The following IL1RAPL1 variants were observed in gnomAD, a reference collection of about 807,000 sequenced individuals.
The protein encoded by IL1RAPL1 is interleukin-1 receptor accessory protein-like 1.
In IL1RAPL1, 3 loss-of-function variants were observed where a neutral mutation model predicts 48.4. The ratio of observed to expected loss-of-function variants is 0.06; its 90% CI spans 0.03 to 0.16. The LOEUF is 0.16. Among genes scored for constraint, IL1RAPL1 ranks in the 10% least tolerant of loss-of-function variants. The pLI is 1.00. For missense variants in IL1RAPL1, 349 were observed against 530.6 expected (o/e 0.66, Z 3.36); for synonymous variants, 185 against 187.7 (o/e 0.99, Z 0.12).
intron 2 of IL1RAPL1, among the ~76,000 whole-genome samples, chrX:28,831,024 CTCTGTGTGTGTGTGTGTGTGTGTGTGTG>C (rs1340730027): frequency 1.7e-5 from 1 of 59,230 alleles, no homozygotes; most frequent in African/African-American, 7.8e-5. Flanking sequence ...CTCTCTCTCT[CTCTGTGTGTGTGTGTGTGTGTGTGTGTG>C]TGTGTGTGTG....
intron 2 of IL1RAPL1, among the ~76,000 whole-genome samples, chrX:28,874,961 T>C (rs997166194): frequency 2.7e-5 from 3 of 111,952 alleles, no homozygotes; most frequent in Admixed American, 9.5e-5. Flanking sequence ...CCATGTTGAT[T>C]TCTCTACTTA....
chrX:29,220,896 A>G (rs1321919600), intron 2 of IL1RAPL1, among the ~76,000 whole-genome samples: 1 of 111,530 alleles, frequency 9.0e-6, no homozygotes, highest in East Asian at 2.8e-4. Flanking sequence ...ATGGCTAGGC[A>G]TTAGTATTGC....
intron 5 of IL1RAPL1, among the ~76,000 whole-genome samples, chrX:29,461,080 GATA>G (rs1245388869): frequency 9.0e-6 from 1 of 111,228 alleles, no homozygotes; most frequent in Non-Finnish European, 1.9e-5. Context: ...TATAACTCTT[GATA>G]ATAATAAGAA....
intron 5 of IL1RAPL1, among the ~76,000 whole-genome samples, chrX:29,587,760 G>A (rs1302679558): frequency 1.8e-5 from 2 of 112,122 alleles, no homozygotes; most frequent in Non-Finnish European, 3.8e-5. Flanking sequence ...GAAATAATAT[G>A]CCAGATGTTC....
At chrX:29,647,762 C>T (rs1219020526) in intron 5 of IL1RAPL1, among the ~76,000 whole-genome samples, 7 of 111,073 alleles carry the variant, frequency 6.3e-5, no homozygotes, top group African/African-American at 9.8e-5. Flanking sequence ...CAAAACAGCT[C>T]GAAAACAGTG....
At chrX:29,433,296 A>G (rs958970205) in intron 5 of IL1RAPL1, among the ~76,000 whole-genome samples, 4 of 110,960 alleles carry the variant, frequency 3.6e-5, no homozygotes, top group African/African-American at 1.3e-4. Flanking sequence ...ACCATATTTT[A>G]TGTGCTTTTA....
chrX:29,563,691 C>A (rs1349834831), intron 5 of IL1RAPL1, among the ~76,000 whole-genome samples: 1 of 112,053 alleles, frequency 8.9e-6, no homozygotes, highest in African/African-American at 3.2e-5. Flanking sequence ...ACTGAAATAG[C>A]TCTTGGCTAT....
intron 2 of IL1RAPL1, among the ~76,000 whole-genome samples, chrX:29,191,293 T>G (rs937075012): frequency 1.8e-5 from 2 of 111,899 alleles, no homozygotes; most frequent in Non-Finnish European, 3.8e-5. Context: ...GAAATCAACC[T>G]TATCACTTAC....
chrX:28,737,250 T>TCTTC (rs1935853280), intron 1 of IL1RAPL1, among the ~76,000 whole-genome samples: 2 of 99,217 alleles, frequency 2.0e-5, no homozygotes, highest in African/African-American at 7.4e-5. Context: ...TTTCTTTCTT[T>TCTTC]CTTTCTTTCT....
chrX:29,880,280 T>G (rs11095161), intron 6 of IL1RAPL1, among the ~76,000 whole-genome samples: 8,084 of 111,745 alleles, frequency 0.072, 707 homozygotes, highest in African/African-American at 0.25. Context: ...GCTCTATACT[T>G]TAATTTCAGA....
intron 2 of IL1RAPL1, among the ~76,000 whole-genome samples, chrX:29,090,320 T>C (rs956916561): frequency 1.8e-5 from 2 of 112,082 alleles, no homozygotes; most frequent in Non-Finnish European, 3.8e-5. Context: ...CTATTGTAGA[T>C]TATTTAAAAC....
chrX:29,314,048 C>T (rs753883606), intron 3 of IL1RAPL1, among the ~76,000 whole-genome samples: 6 of 111,505 alleles, frequency 5.4e-5, no homozygotes, highest in Admixed American at 9.5e-5. Flanking sequence ...AATTCATTCG[C>T]GATTGTGGGA....
chrX:29,444,331 G>A (rs1418755164), intron 5 of IL1RAPL1, among the ~76,000 whole-genome samples: 1 of 97,003 alleles, frequency 1.0e-5, no homozygotes, highest in African/African-American at 3.8e-5. Flanking sequence ...GACAGAGTAA[G>A]ACTCTGTCTA....
intron 2 of IL1RAPL1, among the ~76,000 whole-genome samples, chrX:28,926,729 CTA>C (rs1923752343): frequency 9.0e-6 from 1 of 111,692 alleles, no homozygotes; most frequent in Non-Finnish European, 1.9e-5. Flanking sequence ...TTCTTATTCT[CTA>C]AACTGATTTT....
chrX:29,885,089 AGCCCCACTG>A (rs1932121109), intron 6 of IL1RAPL1, among the ~76,000 whole-genome samples: 1 of 111,224 alleles, frequency 9.0e-6, no homozygotes, highest in African/African-American at 3.3e-5. Flanking sequence ...ATGCCACAAC[AGCCCCACTG>A]GCCTTCTTGC....
chrX:28,949,431 G>A (rs904894838), intron 2 of IL1RAPL1, among the ~76,000 whole-genome samples: 2 of 111,364 alleles, frequency 1.8e-5, no homozygotes, highest in African/African-American at 6.5e-5. Context: ...GCCTGTTTTT[G>A]TAAAGTTTTA....
intron 5 of IL1RAPL1, among the ~76,000 whole-genome samples, chrX:29,657,942 C>G (rs1421432167): frequency 9.3e-6 from 1 of 107,799 alleles, no homozygotes; most frequent in Non-Finnish European, 1.9e-5. Flanking sequence ...TATGCTTCAT[C>G]ATCATTTATC....
At chrX:28,676,710 G>T (rs1935001615) in intron 1 of IL1RAPL1, among the ~76,000 whole-genome samples, 1 of 106,392 alleles carries the variant, frequency 9.4e-6, no homozygotes, top group African/African-American at 3.4e-5. Flanking sequence ...TCCAGCCTGG[G>T]TGACAGCCTG....
intron 3 of IL1RAPL1, among the ~76,000 whole-genome samples, chrX:29,322,738 G>A (rs945192145): frequency 9.0e-6 from 1 of 111,312 alleles, no homozygotes; most frequent in East Asian, 2.8e-4. Flanking sequence ...GCTTTCCACA[G>A]TGTCTTAACC....
Sources: allele counts gnomAD v4.1 joint callset (sites outside exome capture counted in the v4.1 genomes callset), GRCh38; gene constraint gnomAD v4.1.1; transcripts MANE v1.5; gene names NCBI Gene and HGNC (gene_info 2026-07-23, HGNC 2026-07-21).